The following STAB2 variants were observed in gnomAD, a reference collection of about 807,000 sequenced individuals.
STAB2 encodes the protein stabilin 2.
STAB2 carries 288 observed loss-of-function variants against 338.1 expected under a neutral mutation model. That is an observed-to-expected ratio of 0.85 (90% confidence interval 0.77 to 0.94). STAB2 has a LOEUF of 0.94. STAB2 is among the 40% of genes least tolerant of loss of function. The probability of loss-of-function intolerance (pLI) is 0.00; values close to 1 mark genes in which losing one functional copy is unlikely to be tolerated. For synonymous variants in STAB2, 1,202 were observed against 1,193.3 expected, an observed-to-expected ratio of 1.01 and a Z score of -0.15; for missense variants, 3,141 against 3,210.1, an observed-to-expected ratio of 0.98 and a Z score of 0.52.
At chr12:103,711,442 C>A in intron 39 of STAB2, 29 bp from the exon 40 acceptor site, 3 of 1,613,966 alleles carry the variant, frequency 1.9e-6, no homozygotes, top group Non-Finnish European at 2.5e-6. Context: ...AGTAAGAGGG[C>A]TAAGACAGCA....
At chr12:103,748,905 T>G in intron 58 of STAB2, 58 bp from the exon 59 acceptor site, 1 of 1,561,164 alleles carries the variant, frequency 6.4e-7, no homozygotes, top group East Asian at 2.3e-5. Flanking sequence ...TACCCTGACC[T>G]GAAGCCCTAG....
At chr12:103,664,611 G>C (rs530086549) in intron 18 of STAB2, among the ~76,000 whole-genome samples, 8 of 152,284 alleles carry the variant, frequency 5.3e-5, no homozygotes, top group Non-Finnish European at 1.0e-4. Flanking sequence ...AATATCCTTG[G>C]AACATGAGCA....
At chr12:103,613,355 A>G (rs1957157414) in intron 3 of STAB2, among the ~76,000 whole-genome samples, 4 of 152,104 alleles carry the variant, frequency 2.6e-5, no homozygotes, top group Admixed American at 2.6e-4. Context: ...CTTCCCGGCC[A>G]CTTTGTTTAC....
rs377573399 is a variant in STAB2 at position 103,727,291 on chromosome 12, G to T, written c.4876G>T (p.Gly1626Cys). Residue 1626 changes from glycine to cysteine, a missense_variant, in exon 47 of 69, where the codon GGC becomes TGC. Physicochemically the swap from Gly to Cys is radical, Grantham distance 159 (BLOSUM62 -3). Coordinates refer to ENST00000388887, the MANE Select transcript of STAB2 (RefSeq NM_017564.10). ...GGAGCATTTCGTGAAAGATCTGGTC[G>T]GCCCAGGCCCCTTCACTGTTTTTGC... ...LQEHFVKDLV[G>C]PGPFTVFAPL... The T allele has an allele frequency of 4.3e-6, 7 of 1,614,098 alleles. No individual in the cohort carries two copies. The highest frequency in any genetic ancestry group is 1.7e-5 in the Admixed American group (1 of 60,014).
At chr12:103,598,892 G>A (rs903186) in intron 3 of STAB2, among the ~76,000 whole-genome samples, 10,506 of 152,202 alleles carry the variant, frequency 0.069, 386 homozygotes, top group Non-Finnish European at 0.081. Context: ...TCCCCAAGGA[G>A]CTCACAGACT....
chr12:103,687,821 C>T (rs2138893283), intron 27 of STAB2, among the ~76,000 whole-genome samples: 1 of 152,340 alleles, frequency 6.6e-6, no homozygotes, highest in South Asian at 2.1e-4. Flanking sequence ...ATTTGCTGAG[C>T]TCTGTGACCC....
Position 103,688,786 on chromosome 12 carries a change from G to A in STAB2, c.3045+571G>A, listed in dbSNP as rs968828106. 2.6e-5 allele frequency among the ~76,000 whole-genome samples: 4 copies of A among 152,176 alleles called. No individual in the cohort carries two copies. The East Asian group carries it at 7.7e-4, about 29-fold the overall frequency. ...AAGAAGAGACTGAGCGTGCTCTCTT[G>A]AGCATGCTGACTTTCATCTAGACTC... is the stretch of plus-strand genomic sequence containing the variant. On this transcript the variant is annotated intron_variant, in intron 28 of 68. Coordinates refer to ENST00000388887, the MANE Select transcript of STAB2 (RefSeq NM_017564.10).
intron 20 of STAB2, 75 bp downstream of exon 20, chr12:103,668,804 AG>A: frequency 7.3e-7 from 1 of 1,365,584 alleles, no homozygotes. Flanking sequence ...CTTGGGTCCT[AG>A]GGTCCACGTG....
At chr12:103,705,594 C>G (rs1198757977) in intron 36 of STAB2, 38 bp from the exon 37 acceptor site, 3 of 1,600,880 alleles carry the variant, frequency 1.9e-6, no homozygotes, top group Non-Finnish European at 2.6e-6. Flanking sequence ...AAACTTTTTC[C>G]TAACTTAGGA....
At chr12:103,668,786 G>C in intron 20 of STAB2, 57 bp downstream of exon 20, 1 of 1,459,658 alleles carries the variant, frequency 6.9e-7, no homozygotes, top group South Asian at 1.3e-5. Flanking sequence ...CAGCTCCAGG[G>C]CCATGCTCTT....
At chr12:103,607,675 T>C (rs970645912) in intron 3 of STAB2, among the ~76,000 whole-genome samples, 1 of 152,160 alleles carries the variant, frequency 6.6e-6, no homozygotes, top group African/African-American at 2.4e-5. Context: ...CTGAGAGTGA[T>C]GGTTTCCAGC....
chr12:103,603,716 GT>G (rs1956987373), intron 3 of STAB2, among the ~76,000 whole-genome samples: 1 of 151,584 alleles, frequency 6.6e-6, no homozygotes, highest in Non-Finnish European at 1.5e-5. Flanking sequence ...TTCCATTCAA[GT>G]TTAGGATCAA....
Position 103,735,522 on chromosome 12 carries a change from C to A in STAB2, c.5492C>A (p.Ala1831Asp). The change falls in exon 52 of 69, where the codon GCC (alanine) becomes GAC (aspartate). Residue 1831 changes from alanine to aspartate, a missense_variant. Coordinates refer to ENST00000388887, the MANE Select transcript of STAB2 (RefSeq NM_017564.10). Reference sequence around the variant, plus strand: ...GCTGTGGATCTTCCCACATCCACTGCCTGGAAGACCCTGCAAGGTTCAGAG... The same window carrying A: ...GCTGTGGATCTTCCCACATCCACTGACTGGAAGACCCTGCAAGGTTCAGAG... ...VLAVDLPTST[A>D]WKTLQGSELS... 2 of 1,611,842 alleles carry A rather than the reference C, an allele frequency of 1.2e-6. No individual in the cohort carries two copies. Among genetic ancestry groups the A allele is most frequent in the Non-Finnish European group, 1.7e-6 (2 of 1,179,296 alleles).
rs199885310 is a variant in STAB2 at position 103,717,770 on chromosome 12, G to T, written c.4612G>T (p.Ala1538Ser). The T allele has an allele frequency of 2.5e-6, 4 of 1,614,010 alleles. No homozygotes were observed. In the African/African-American group the frequency reaches 5.3e-5, roughly 22 times the overall value. Residue 1538 changes from alanine to serine, a missense_variant and splice_region_variant, in exon 44 of 69, where the codon GCT (alanine) becomes TCT (serine). Physicochemically the swap from Ala to Ser is moderately conservative, Grantham distance 99 (BLOSUM62 1). Transcript: ENST00000388887. The part of the protein sequence containing the change: ...AECTQTGPNQ[A>S]ACNCLPAYTG... ...CCCATGTGCTTCTACTCCTGGACAG[G>T]CTGCCTGTAACTGTTTGCCAGCATA...
chr12:103,612,397 T>G (rs1957139048), intron 3 of STAB2, among the ~76,000 whole-genome samples: 1 of 152,248 alleles, frequency 6.6e-6, no homozygotes, highest in Non-Finnish European at 1.5e-5. Flanking sequence ...TTTATTCTTT[T>G]TTCTCTAAAC....
At chr12:103,639,709 A>AAG (rs1276856953) in intron 8 of STAB2, among the ~76,000 whole-genome samples, 2 of 151,264 alleles carry the variant, frequency 1.3e-5, no homozygotes, top group African/African-American at 4.9e-5. Context: ...TGTCTCAAAA[A>AAG]AAAAAAAAAA....
intron 60 of STAB2, among the ~76,000 whole-genome samples, chr12:103,751,295 T>C (rs1360181571): frequency 6.6e-6 from 1 of 152,016 alleles, no homozygotes. Context: ...CAGGAGAGAA[T>C]GATCAAGGGT....
rs764012949 is a variant in STAB2 at position 103,587,465 on chromosome 12, A to G, written c.-12A>G. 3 of 1,612,236 alleles carry G rather than the reference A, an allele frequency of 1.9e-6. No homozygotes were observed. The highest frequency in any genetic ancestry group is 2.5e-6 in the Non-Finnish European group (3 of 1,178,782). On this transcript the variant is annotated 5_prime_UTR_variant, in exon 1 of 69. Coordinates refer to ENST00000388887, the MANE Select transcript of STAB2 (RefSeq NM_017564.10). The stretch of plus-strand genomic sequence containing the variant: ...CAGGTGCTTGGCACAGAGAAGGAGC[A>G]AATATTTCCTCATGATGCTACAACA...
At chr12:103,764,172 C>T (rs1187274588) in intron 68 of STAB2, among the ~76,000 whole-genome samples, 2 of 152,048 alleles carry the variant, frequency 1.3e-5, no homozygotes, top group Admixed American at 6.5e-5. Context: ...AGGCTGGTCT[C>T]GAACTCCCAA....
Sources: allele counts gnomAD v4.1 joint callset (sites outside exome capture counted in the v4.1 genomes callset), GRCh38; gene constraint gnomAD v4.1.1; transcripts MANE v1.5; gene names NCBI Gene and HGNC (gene_info 2026-07-23, HGNC 2026-07-21).